ZNF521: variants seen among roughly 807,000 people sequenced by gnomAD.
ZNF521 encodes zinc finger protein 521.
A neutral mutation model predicts 105.5 loss-of-function variants in ZNF521; 14 were observed. The observed-to-expected ratio is 0.13, with a 90% CI of 0.09 to 0.21. The LOEUF (loss-of-function observed/expected upper bound fraction) is 0.21. ZNF521 is among the 10% of genes least tolerant of loss of function. The pLI is 1.00. For synonymous variants in ZNF521, 635 were observed against 606.0 expected (o/e 1.05, Z -0.70); for missense variants, 1,233 against 1,629.7 (o/e 0.76, Z 4.19).
chr18:25,109,317 T>C (rs1480434575), intron 5 of ZNF521, among the ~76,000 whole-genome samples: 2 of 152,210 alleles, frequency 1.3e-5, no homozygotes, highest in East Asian at 1.9e-4. Flanking sequence ...TAGTATTCCA[T>C]GGTATAAATG....
At chr18:25,158,283 T>C (rs1351439514) in intron 5 of ZNF521, among the ~76,000 whole-genome samples, 2 of 152,102 alleles carry the variant, frequency 1.3e-5, no homozygotes, top group Admixed American at 1.3e-4. Flanking sequence ...TATATGCATG[T>C]GCATGTATAT....
At chr18:25,082,747 C>T in intron 7 of ZNF521, 1 of 342,918 alleles carries the variant, frequency 2.9e-6, no homozygotes, top group South Asian at 2.3e-5. Context: ...GAGGCTAAGG[C>T]AGGAGAATTG....
chr18:25,338,705 C>T (rs867239263), intron 2 of ZNF521, among the ~76,000 whole-genome samples: 3 of 152,094 alleles, frequency 2.0e-5, no homozygotes, highest in Non-Finnish European at 4.4e-5. Flanking sequence ...AGCCATTGCG[C>T]CCAGTCATTT....
At chr18:25,157,399 C>T (rs189667846) in intron 5 of ZNF521, among the ~76,000 whole-genome samples, 102 of 152,290 alleles carry the variant, frequency 6.7e-4, no homozygotes, top group Non-Finnish European at 1.3e-3. Context: ...TTCAGTATAA[C>T]TTCAGTGATC....
At chr18:25,063,946 T>C (rs766428288) in intron 7 of ZNF521, among the ~76,000 whole-genome samples, 2 of 152,238 alleles carry the variant, frequency 1.3e-5, no homozygotes, top group African/African-American at 2.4e-5. Flanking sequence ...ACTGCTTACA[T>C]AGGATGCATC....
intron 3 of ZNF521, among the ~76,000 whole-genome samples, chr18:25,310,059 G>A (rs577730562): frequency 1.3e-5 from 2 of 152,058 alleles, no homozygotes; most frequent in South Asian, 4.2e-4. Context: ...CCAGTTACTA[G>A]TTCACAAGAG....
At chr18:25,342,717 C>T (rs1211949779) in intron 2 of ZNF521, among the ~76,000 whole-genome samples, 2 of 152,134 alleles carry the variant, frequency 1.3e-5, no homozygotes, top group African/African-American at 4.8e-5. Context: ...CGTGAGCCAC[C>T]GCGCCTGGCC....
chr18:25,348,133 A>C (rs1914542604), intron 2 of ZNF521, among the ~76,000 whole-genome samples: 1 of 152,200 alleles, frequency 6.6e-6, no homozygotes, highest in South Asian at 2.1e-4. Context: ...GCCTTTCTAT[A>C]CCTGCTGATA....
At position 25,062,110 on chromosome 18, in the gene ZNF521, A is replaced by G. The variant is rs2032911994; in HGVS notation, c.*602T>C. 5.0e-6 allele frequency: 1 copy of G among 201,172 alleles called. No individual in the cohort carries two copies. Among genetic ancestry groups the G allele is most frequent in the Non-Finnish European group, 1.0e-5 (1 of 97,712 alleles). The allele number at this position is 201,172 out of a possible 1,614,324, so 12.5% of individuals were successfully genotyped here. On this transcript the variant is annotated 3_prime_UTR_variant, in exon 8 of 8. Transcript: ENST00000361524. ...GCTTCAAATGTATCCAGGGAAAAAA[A>G]AATTCTTTGACAGTCTACATAACAA...
chr18:25,272,083 T>G (rs1443380796), intron 3 of ZNF521, among the ~76,000 whole-genome samples: 1 of 151,716 alleles, frequency 6.6e-6, no homozygotes, highest in African/African-American at 2.4e-5. Flanking sequence ...AACAACCCCA[T>G]CAAAAAGTGG....
At chr18:25,301,250 C>A (rs1486993890) in intron 3 of ZNF521, among the ~76,000 whole-genome samples, 7 of 152,098 alleles carry the variant, frequency 4.6e-5, no homozygotes, top group Admixed American at 4.6e-4. Flanking sequence ...TCGGACCATG[C>A]AGATAATATC....
At chr18:25,130,613 T>C (rs2034622592) in intron 5 of ZNF521, among the ~76,000 whole-genome samples, 1 of 152,248 alleles carries the variant, frequency 6.6e-6, no homozygotes, top group East Asian at 1.9e-4. Flanking sequence ...AACTCTTTTG[T>C]AAAACTAAAA....
At chr18:25,317,692 A>T (rs1912716550) in intron 3 of ZNF521, among the ~76,000 whole-genome samples, 1 of 152,218 alleles carries the variant, frequency 6.6e-6, no homozygotes, top group African/African-American at 2.4e-5. Context: ...ATCTGCATTT[A>T]ATGGGATTTT....
intron 5 of ZNF521, among the ~76,000 whole-genome samples, chr18:25,164,495 G>A (rs560705015): frequency 5.9e-5 from 9 of 152,270 alleles, no homozygotes; most frequent in South Asian, 2.1e-4. Flanking sequence ...ATTTTTGCAC[G>A]GAAAGAAACT....
intron 5 of ZNF521, among the ~76,000 whole-genome samples, chr18:25,142,021 C>T (rs1309044463): frequency 6.6e-6 from 1 of 152,158 alleles, no homozygotes; most frequent in Non-Finnish European, 1.5e-5. Flanking sequence ...GCTATGCAAA[C>T]ATCATCTTGT....
chr18:25,155,091 T>G (rs1004930261), intron 5 of ZNF521, among the ~76,000 whole-genome samples: 5 of 152,182 alleles, frequency 3.3e-5, no homozygotes, highest in Non-Finnish European at 5.9e-5. Flanking sequence ...CTACCAGGTG[T>G]GAGGTGATAT....
At chr18:25,344,151 T>G (rs911118477) in intron 2 of ZNF521, among the ~76,000 whole-genome samples, 1 of 149,690 alleles carries the variant, frequency 6.7e-6, no homozygotes, top group Non-Finnish European at 1.5e-5. Context: ...ATACTAGAGG[T>G]GGAATGTGAT....
rs1913971899 is a variant in ZNF521, at chr18:25,337,774, T to C, written c.40+13133A>G. Among the ~76,000 whole-genome samples the C allele has an allele frequency of 3.3e-5, 5 of 152,286 alleles. No individual in the cohort carries two copies. In the South Asian group the frequency reaches 1.0e-3, roughly 32 times the overall value. ...CATTTTTAGGAATTGATCCCATGTA[T>C]ATAAAATCATACATATCAGCAAGAA... On this transcript the variant is annotated intron_variant, in intron 2 of 7. Transcript: ENST00000361524.
chr18:25,227,789 C>T lies in ZNF521; in HGVS notation c.221-92G>A. 9.4e-7 allele frequency: 1 copy of T among 1,069,234 alleles called. No individual in the cohort carries two copies. The highest frequency in any genetic ancestry group is 1.3e-6 in the Non-Finnish European group (1 of 754,502). 66.2% of individuals were successfully genotyped at this position (1,069,234 alleles called of 1,614,324 possible). A position where few individuals can be genotyped will look rare whatever the true frequency, so the allele number is the denominator to read the frequency against. ...ATTTCAACCAGCACGCAGAGTTGGG[C>T]CCTCTTGAATCTTTCAAGAAAAAAC... On this transcript the variant is annotated intron_variant, in intron 3 of 7. Coordinates refer to ENST00000361524, the MANE Select transcript of ZNF521 (RefSeq NM_015461.3). This position sits in a 1 kb window ranked among gnomAD's most constrained non-coding sequence, Gnocchi z 5.7.
Sources: gnomAD v4.1 joint callset for allele counts (sites outside exome capture counted in the v4.1 genomes callset) on GRCh38, gnomAD v4.1.1 for gene constraint, Gnocchi (gnomAD v3.1) non-coding constraint, MANE v1.5 for transcripts, NCBI Gene and HGNC (gene_info 2026-07-23, HGNC 2026-07-21) for gene names.